The following NEK7 variants were observed in gnomAD, a reference collection of about 807,000 sequenced individuals.
NEK7 encodes serine/threonine-protein kinase Nek7.
NEK7 carries 18 observed loss-of-function variants against 44.6 expected under a neutral mutation model. The ratio of observed to expected loss-of-function variants is 0.40; its 90% confidence interval spans 0.28 to 0.60. The LOEUF (loss-of-function observed/expected upper bound fraction) is 0.60, where lower values mean the gene tolerates loss of function less well. Among genes scored for constraint, NEK7 ranks in the 20% least tolerant of loss-of-function variants. NEK7 has a pLI of 0.38. For synonymous variants in NEK7, 130 were observed against 121.1 expected, an observed-to-expected ratio of 1.07 and a Z score of -0.48; for missense variants, 256 against 366.5, an observed-to-expected ratio of 0.70 and a Z score of 2.46.
At chr1:198,230,437 A>G (rs2102868017) in intron 1 of NEK7, among the ~76,000 whole-genome samples, 1 of 152,232 alleles carries the variant, frequency 6.6e-6, no homozygotes, top group South Asian at 2.1e-4. Flanking sequence ...AAAACATGTA[A>G]TCATTTCAAG....
chr1:198,293,737 G>A lies in NEK7; in HGVS notation c.684+698G>A, dbSNP rs1385892273. 2.6e-5 allele frequency among the ~76,000 whole-genome samples: 4 copies of A among 151,884 alleles called. No individual in the cohort carries two copies. In the East Asian group the frequency reaches 7.7e-4, roughly 29 times the overall value. The stretch of plus-strand genomic sequence containing the variant: ...CTTCTGTAATTTTGTTTTTTTAATT[G>A]AATGATAATTTTCCTAGGAATATAG... On this transcript the variant is annotated intron_variant, in intron 8 of 9. Transcript: ENST00000367385.
At chr1:198,306,771 G>A (rs1161932592) in intron 9 of NEK7, among the ~76,000 whole-genome samples, 1 of 152,048 alleles carries the variant, frequency 6.6e-6, no homozygotes, top group Non-Finnish European at 1.5e-5. Flanking sequence ...TAACACAAAA[G>A]TAGGTTACTT....
At chr1:198,202,435 C>T (rs1190408506) in intron 1 of NEK7, among the ~76,000 whole-genome samples, 1 of 152,176 alleles carries the variant, frequency 6.6e-6, no homozygotes, top group East Asian at 1.9e-4. Context: ...ATGATTGTAG[C>T]ACCTCTAATG....
chr1:198,222,102 C>T lies in NEK7; in HGVS notation c.-28-10451C>T, dbSNP rs562323780. ...CTAAATGGTTCTGTCATTTAATTAGCGCTTGTGTCTGATATTCAGATTCCT... is the reference window on the plus strand; with the variant it reads ...CTAAATGGTTCTGTCATTTAATTAGTGCTTGTGTCTGATATTCAGATTCCT... On this transcript the variant is annotated intron_variant, in intron 1 of 9. Coordinates refer to ENST00000367385, the MANE Select transcript of NEK7 (RefSeq NM_133494.3). 1.1e-4 allele frequency among the ~76,000 whole-genome samples: 16 copies of T among 151,726 alleles called. No homozygotes were observed. The South Asian group carries it at 1.9e-3, about 18-fold the overall frequency.
intron 1 of NEK7, among the ~76,000 whole-genome samples, chr1:198,182,328 C>T (rs904615703): frequency 5.9e-5 from 9 of 151,914 alleles, no homozygotes; most frequent in African/African-American, 9.7e-5. Flanking sequence ...AGTAGGTCGA[C>T]CTATTTTGGC....
At chr1:198,267,740 G>A (rs1653699761) in intron 5 of NEK7, among the ~76,000 whole-genome samples, 1 of 152,080 alleles carries the variant, frequency 6.6e-6, no homozygotes, top group East Asian at 1.9e-4. Flanking sequence ...ACTGTGTCCA[G>A]CCTGTGTGTT....
At chr1:198,311,943 C>T (rs556870274) in intron 9 of NEK7, among the ~76,000 whole-genome samples, 26 of 152,292 alleles carry the variant, frequency 1.7e-4, no homozygotes, top group Admixed American at 1.7e-3. Flanking sequence ...CAGGATGATG[C>T]TGGCCTCATA....
At chr1:198,315,956 G>A (rs1655356126) in intron 9 of NEK7, among the ~76,000 whole-genome samples, 1 of 152,148 alleles carries the variant, frequency 6.6e-6, no homozygotes, top group African/African-American at 2.4e-5. Context: ...AGGCATGGGA[G>A]TAAGTGCAGT....
chr1:198,297,732 T>C (rs1654754233), intron 9 of NEK7, among the ~76,000 whole-genome samples: 1 of 152,228 alleles, frequency 6.6e-6, no homozygotes, highest in Non-Finnish European at 1.5e-5. Flanking sequence ...CCTTATTATT[T>C]AAGCTTTACC....
intron 3 of NEK7, among the ~76,000 whole-genome samples, chr1:198,258,800 A>G (rs971459706): frequency 1.8e-4 from 27 of 152,328 alleles, no homozygotes; most frequent in African/African-American, 6.5e-4. Flanking sequence ...CTGAATGAAA[A>G]TGATGCCTCC....
intron 1 of NEK7, among the ~76,000 whole-genome samples, chr1:198,185,025 G>A (rs1664876886): frequency 6.6e-6 from 1 of 151,930 alleles, no homozygotes; most frequent in Non-Finnish European, 1.5e-5. Flanking sequence ...GAGTCTTGTG[G>A]CAAGACAGTT....
intron 5 of NEK7, among the ~76,000 whole-genome samples, chr1:198,267,123 C>G (rs1242917753): frequency 1.3e-5 from 2 of 152,066 alleles, no homozygotes; most frequent in Non-Finnish European, 2.9e-5. Context: ...CCTGTATTCT[C>G]AGAAATCTTA....
intron 1 of NEK7, among the ~76,000 whole-genome samples, chr1:198,196,998 C>T (rs971533940): frequency 2.0e-5 from 3 of 152,114 alleles, no homozygotes; most frequent in South Asian, 2.1e-4. Flanking sequence ...TTGTGTACCA[C>T]TAAATCTCTA....
At chr1:198,265,647 T>G (rs1653628524) in intron 5 of NEK7, among the ~76,000 whole-genome samples, 1 of 152,046 alleles carries the variant, frequency 6.6e-6, no homozygotes, top group Non-Finnish European at 1.5e-5. Flanking sequence ...ATTAATCAAT[T>G]GTTATAGAAG....
intron 8 of NEK7, 102 bp from the exon 9 acceptor site, chr1:198,297,025 A>C: frequency 1.4e-6 from 1 of 714,260 alleles, no homozygotes; most frequent in Non-Finnish European, 2.3e-6. Flanking sequence ...ATCTCTATTT[A>C]AAATATTTGT....
intron 1 of NEK7, among the ~76,000 whole-genome samples, chr1:198,166,085 G>A (rs1438159885): frequency 6.6e-6 from 1 of 152,192 alleles, no homozygotes; most frequent in African/African-American, 2.4e-5. Context: ...GCCTTGCCCT[G>A]GATTAGACTT....
intron 1 of NEK7, among the ~76,000 whole-genome samples, chr1:198,204,462 G>T (rs896688015): frequency 6.6e-6 from 1 of 152,074 alleles, no homozygotes; most frequent in African/African-American, 2.4e-5. Flanking sequence ...GCTCACGCCT[G>T]TAATCCCAGC....
intron 5 of NEK7, among the ~76,000 whole-genome samples, chr1:198,271,924 TACACAC>T (rs59463396): frequency 2.2e-5 from 3 of 134,556 alleles, no homozygotes; most frequent in Non-Finnish European, 3.2e-5. Context: ...TATATATATA[TACACAC>T]ACACACACAC....
chr1:198,278,097 A>G (rs769982238), intron 6 of NEK7, 28 bp downstream of exon 6: 2 of 1,202,542 alleles, frequency 1.7e-6, no homozygotes, highest in East Asian at 2.3e-5. Flanking sequence ...AGTACTTTTA[A>G]TCTTGTTTTA....
Sources: allele counts gnomAD v4.1 joint callset (sites outside exome capture counted in the v4.1 genomes callset), GRCh38; gene constraint gnomAD v4.1.1; transcripts MANE v1.5; gene names NCBI Gene and HGNC (gene_info 2026-07-23, HGNC 2026-07-21).